Variants in NPHP4 observed in about 807,000 individuals in gnomAD.
NPHP4 encodes nephrocystin 4, also known as nephrocystin-4.
Under a neutral mutation model 155.8 loss-of-function variants are expected in NPHP4, and 151 were observed. The observed-to-expected ratio is 0.97, with a 90% CI of 0.85 to 1.11. The LOEUF is 1.11. Ranked by LOEUF, NPHP4 falls within the 50% of genes least tolerant of loss-of-function variation. The pLI, the probability that NPHP4 is intolerant of heterozygous loss-of-function variation, is 0.00. For missense variants in NPHP4, 1,956 were observed against 1,925.7 expected, an observed-to-expected ratio of 1.02 and a Z score of -0.29; for synonymous variants, 845 against 816.8, an observed-to-expected ratio of 1.03 and a Z score of -0.59.
In NPHP4 at chr1:5,863,166, T is replaced by C. The variant is rs529044086; in HGVS notation, c.*99A>G. 146 of 1,354,896 alleles carry C rather than the reference T, an allele frequency of 1.1e-4. No individual in the cohort carries two copies. The African/African-American group carries it at 1.6e-3, about 15-fold the overall frequency. The allele number at this position is 1,354,896 out of a possible 1,614,324, so 83.9% of individuals were successfully genotyped here. A position where few individuals can be genotyped will look rare whatever the true frequency, so the allele number is the denominator to read the frequency against. ...CAGGTCAGCCAGGTGGGCACTGAAG[T>C]GAAAGGCTGCAGAGAGGCGGGGAGG... On this transcript the variant is annotated 3_prime_UTR_variant, in exon 30 of 30. Transcript: ENST00000378156.
chr1:5,903,212 A>G (rs1177989093), intron 16 of NPHP4, among the ~76,000 whole-genome samples: 2 of 152,172 alleles, frequency 1.3e-5, no homozygotes, highest in Admixed American at 1.3e-4. Context: ...AGGTTTGCCA[A>G]TTTCTCCTTA....
intron 11 of NPHP4, among the ~76,000 whole-genome samples, chr1:5,924,058 C>T (rs971476664): frequency 2.0e-5 from 3 of 152,122 alleles, no homozygotes; most frequent in Non-Finnish European, 2.9e-5. Flanking sequence ...CAAGCCCAGA[C>T]GAACTTCTAG....
At position 5,905,818 on chromosome 1, in the gene NPHP4, A is replaced by G. The variant is rs1644889229; in HGVS notation, c.1612-35T>C. On this transcript the variant is annotated intron_variant, in intron 13 of 29. Transcript: ENST00000378156. The surrounding 1 kb of genome is among the most constrained non-coding windows in gnomAD (Gnocchi z 4.0). ...ACGAGGGCTTCCAAGTGAGGCCACC[A>G]AGGACCCCAACCCGTAACAACCAAC... 2.5e-6 allele frequency: 4 copies of G among 1,574,164 alleles called. No individual in the cohort carries two copies. Among genetic ancestry groups the G allele is most frequent in the Non-Finnish European group, 2.6e-6 (3 of 1,158,540 alleles).
At chr1:5,965,609 A>G (rs1651344176) in intron 5 of NPHP4, among the ~76,000 whole-genome samples, 1 of 152,192 alleles carries the variant, frequency 6.6e-6, no homozygotes, top group African/African-American at 2.4e-5. Flanking sequence ...CTCTTGGCCT[A>G]GAGGACTCCA....
In NPHP4 at chr1:5,941,289, C is replaced by CAAAAAAA. The variant is rs66676950; in HGVS notation, c.1119+5808_1119+5814dup. On this transcript the variant is annotated intron_variant, in intron 9 of 29. Transcript: ENST00000378156. ...TCACACCACAAACAAGAGATCTAGACAAAAAAAAAAAAAAAAAAAAAAAAA... is the reference window on the plus strand; with the variant it reads ...TCACACCACAAACAAGAGATCTAGACAAAAAAAAAAAAAAAAAAAAAAAAAAAAAAAA... 1.7e-3 allele frequency among the ~76,000 whole-genome samples: 74 copies of CAAAAAAA among 44,766 alleles called. 2 individuals are homozygous for CAAAAAAA. Among genetic ancestry groups the CAAAAAAA allele is most frequent in the African/African-American group, 3.9e-3 (40 of 10,172 alleles). 29.4% of individuals were successfully genotyped at this position (44,766 alleles called of 152,430 possible).
chr1:5,941,727 T>C (rs555264081), intron 9 of NPHP4, among the ~76,000 whole-genome samples: 1 of 152,266 alleles, frequency 6.6e-6, no homozygotes, highest in South Asian at 2.1e-4. Context: ...AAGGACTCCA[T>C]CCGGCCAAAT....
At position 5,867,037 on chromosome 1, in the gene NPHP4, T is replaced by C. The variant is rs1267433999; in HGVS notation, c.3551A>G (p.Gln1184Arg). Residue 1184 changes from glutamine to arginine, a missense_variant, in exon 25 of 30, where the codon CAG becomes CGG. Coordinates refer to ENST00000378156, the MANE Select transcript of NPHP4 (RefSeq NM_015102.5). The surrounding 1 kb of genome is among the most constrained non-coding windows in gnomAD (Gnocchi z 4.1). ...GGCCACAACACAACCTACCACATTC[T>C]GGGTCTCACAGATGACGTTCGGGTC... ...CSDPNVICETQNVGPGEPRDI... is the reference protein window; with the variant it reads ...CSDPNVICETRNVGPGEPRDI... 23 of 1,612,474 alleles carry C rather than the reference T, an allele frequency of 1.4e-5. No homozygotes were observed. The highest frequency in any genetic ancestry group is 1.9e-5 in the Non-Finnish European group (22 of 1,179,268).
chr1:5,942,218 C>T (rs1009698172), intron 9 of NPHP4, among the ~76,000 whole-genome samples: 2 of 151,982 alleles, frequency 1.3e-5, no homozygotes, highest in Admixed American at 1.3e-4. Context: ...AAGCAACATA[C>T]GCATTAAAAA....
intron 1 of NPHP4, among the ~76,000 whole-genome samples, chr1:5,988,750 G>A (rs1655836960): frequency 6.6e-6 from 1 of 151,602 alleles, no homozygotes; most frequent in Non-Finnish European, 1.5e-5. Context: ...AGGGGCCTTG[G>A]CCCAGGGTCC....
At position 5,863,277 on chromosome 1, in the gene NPHP4, G is replaced by A. The variant is rs778732046; in HGVS notation, c.4269C>T (p.Val1423=). ...CACCCTCAAGCCCTCACTGGTAGAT[G>A]ACCTTCACGCAAAATGCCTCTTCGT... ...DKNEEAFCVK[V]IYQ The change falls in exon 30 of 30, where the codon GTC becomes GTT. Residue 1423 remains valine (V), a synonymous_variant. Transcript: ENST00000378156. 3 of 1,613,914 alleles carry A rather than the reference G, an allele frequency of 1.9e-6. No individual in the cohort carries two copies. The highest frequency in any genetic ancestry group is 1.7e-6 in the Non-Finnish European group (2 of 1,179,890).
In NPHP4 at chr1:5,964,943, T is replaced by A. The variant is rs539312089; in HGVS notation, c.517+2356A>T. ...TATATATATATATATATATATATAT[T>A]TTTTTTTTTTGAGGCAGGGTCTCAC... is the stretch of plus-strand genomic sequence containing the variant. On this transcript the variant is annotated intron_variant, in intron 5 of 29. Coordinates refer to ENST00000378156, the MANE Select transcript of NPHP4 (RefSeq NM_015102.5). Among the ~76,000 whole-genome samples, 244 of 52,410 alleles carry A rather than the reference T, an allele frequency of 4.7e-3. 2 individuals are homozygous for A. Among genetic ancestry groups the A allele is most frequent in the Non-Finnish European group, 6.9e-3 (171 of 24,808 alleles). The allele number at this position is 52,410 out of a possible 152,430, so 34.4% of individuals were successfully genotyped here.
chr1:5,939,263 C>T (rs1646701448), intron 9 of NPHP4, among the ~76,000 whole-genome samples: 1 of 152,208 alleles, frequency 6.6e-6, no homozygotes, highest in Non-Finnish European at 1.5e-5. Context: ...ATTTCCATAA[C>T]CTGGTGAAAC....
chr1:5,869,975 C>T (rs1641832128), intron 23 of NPHP4, among the ~76,000 whole-genome samples: 1 of 152,230 alleles, frequency 6.6e-6, no homozygotes, highest in African/African-American at 2.4e-5. Context: ...CATATCTATA[C>T]ATCATATATG....
At chr1:5,986,430 A>G (rs1419451336) in intron 1 of NPHP4, 103 bp from the exon 2 acceptor site, 2 of 969,648 alleles carry the variant, frequency 2.1e-6, no homozygotes, top group Non-Finnish European at 3.0e-6. Flanking sequence ...AGGAACCTCC[A>G]TCCCCCAAAC....
Position 5,948,256 on chromosome 1 carries a change from A to G in NPHP4, c.811-5T>C. On this transcript the variant is annotated splice_region_variant and splice_polypyrimidine_tract_variant and intron_variant, in intron 7 of 29. Transcript: ENST00000378156. ...ACCGTCCAGTGGGCCACATCCCTGG[A>G]AGAGGCACAGAAGGAATGAGCCCCG... The G allele has an allele frequency of 6.4e-7, 1 of 1,553,122 alleles. No homozygotes were observed. Among genetic ancestry groups the G allele is most frequent in the South Asian group, 1.2e-5 (1 of 85,388 alleles).
chr1:5,975,369 A>G (rs1653357758), intron 3 of NPHP4, among the ~76,000 whole-genome samples: 1 of 152,144 alleles, frequency 6.6e-6, no homozygotes, highest in Admixed American at 6.5e-5. Context: ...TGCTGCCCAC[A>G]CGGGGCATAG....
intron 20 of NPHP4, among the ~76,000 whole-genome samples, chr1:5,876,721 C>T (rs577636740): frequency 1.3e-5 from 2 of 152,262 alleles, no homozygotes; most frequent in African/African-American, 4.8e-5. Context: ...GGGAATTTTT[C>T]TAGCCAGAAT....
At chr1:5,952,918 A>G in intron 6 of NPHP4, 82 bp from the exon 7 acceptor site, 4 of 1,367,702 alleles carry the variant, frequency 2.9e-6, no homozygotes, top group Non-Finnish European at 4.0e-6. Flanking sequence ...TACCCACCCC[A>G]GCCTCAGCCG....
At chr1:5,879,782 CACACACACACACGCAA>C (rs1450019645) in intron 19 of NPHP4, 6,465 of 420,466 alleles carry the variant, frequency 0.015, 532 homozygotes, top group African/African-American at 0.12. Flanking sequence ...GGTGCGCACA[CACACACACACACGCAA>C]ACACACACAC....
Sources: allele counts gnomAD v4.1 joint callset (sites outside exome capture counted in the v4.1 genomes callset), GRCh38; gene constraint gnomAD v4.1.1; non-coding constraint Gnocchi (gnomAD v3.1); transcripts MANE v1.5; gene names NCBI Gene and HGNC (gene_info 2026-07-23, HGNC 2026-07-21).